The following PRKG1 variants were observed in gnomAD, a reference collection of about 807,000 sequenced individuals.
The protein encoded by PRKG1 is protein kinase cGMP-dependent 1.
In PRKG1, 35 loss-of-function variants were observed where a neutral mutation model predicts 88.1. That is an observed-to-expected ratio of 0.40 (90% confidence interval 0.30 to 0.53). The LOEUF is 0.53. PRKG1 is among the 20% of genes least tolerant of loss of function. PRKG1 has a pLI of 0.59. For synonymous variants in PRKG1, 303 were observed against 292.5 expected (o/e 1.04, Z -0.37); for missense variants, 540 against 839.8 (o/e 0.64, Z 4.41).
At chr10:51,360,439 A>C (rs1444562054) in intron 2 of PRKG1, among the ~76,000 whole-genome samples, 1 of 151,956 alleles carries the variant, frequency 6.6e-6, no homozygotes, top group South Asian at 2.1e-4. Context: ...TTGGAGTAGA[A>C]GCAGAATTTG....
At chr10:51,970,033 CACACACACACACACA>C (rs1564733386) in intron 5 of PRKG1, among the ~76,000 whole-genome samples, 4 of 148,992 alleles carry the variant, frequency 2.7e-5, no homozygotes, top group Admixed American at 2.0e-4. Context: ...CACACACACA[CACACACACACACACA>C]CACCCATATT....
intron 2 of PRKG1, among the ~76,000 whole-genome samples, chr10:51,391,626 G>A (rs1837405645): frequency 6.6e-6 from 1 of 152,176 alleles, no homozygotes. Context: ...GAATGCTCTA[G>A]GCAGAGAAAG....
rs916806388 is a variant in PRKG1, at chr10:51,945,478, G to A, written c.762+37908G>A. 4.2e-3 allele frequency among the ~76,000 whole-genome samples: 637 copies of A among 151,536 alleles called. 8 individuals carry two copies. Among genetic ancestry groups the A allele is most frequent in the African/African-American group, 0.015 (607 of 41,144 alleles). ...ACATTTAAAGTTAATATTGTTATGT[G>A]TGAATCTGATCCTGTCATTATGATG... On this transcript the variant is annotated intron_variant, in intron 5 of 17. Transcript: ENST00000373980.
intron 5 of PRKG1, among the ~76,000 whole-genome samples, chr10:51,983,727 C>T (rs147618193): frequency 6.6e-6 from 1 of 152,232 alleles, no homozygotes; most frequent in Admixed American, 6.5e-5. Flanking sequence ...CTCTAAGCAG[C>T]TCTCCCTGCC....
chr10:52,009,587 G>A (rs1049196758), intron 5 of PRKG1, among the ~76,000 whole-genome samples: 2 of 152,058 alleles, frequency 1.3e-5, no homozygotes, highest in Non-Finnish European at 2.9e-5. Flanking sequence ...CATTAAAATG[G>A]CCATACTGCC....
chr10:52,080,972 G>C (rs1264052457), intron 7 of PRKG1, among the ~76,000 whole-genome samples: 1 of 152,086 alleles, frequency 6.6e-6, no homozygotes, highest in Non-Finnish European at 1.5e-5. Flanking sequence ...TGATAGAATA[G>C]GCTGAGGCCT....
chr10:51,254,862 G>C (rs1333710093), intron 2 of PRKG1, among the ~76,000 whole-genome samples: 2 of 151,928 alleles, frequency 1.3e-5, no homozygotes, highest in Non-Finnish European at 2.9e-5. Flanking sequence ...ATGCTCTTTG[G>C]CCCAGATTAA....
intron 2 of PRKG1, among the ~76,000 whole-genome samples, chr10:51,464,480 A>C (rs1183294971): frequency 6.6e-6 from 1 of 152,208 alleles, no homozygotes; most frequent in Non-Finnish European, 1.5e-5. Flanking sequence ...TGTGAAATAC[A>C]ACCTTTTGTT....
At chr10:51,049,012 C>T (rs149132992) in intron 1 of PRKG1, among the ~76,000 whole-genome samples, 1 of 152,206 alleles carries the variant, frequency 6.6e-6, no homozygotes, top group Non-Finnish European at 1.5e-5. Flanking sequence ...TGTGGGTTTG[C>T]TGGGGCGTTG....
intron 1 of PRKG1, among the ~76,000 whole-genome samples, chr10:51,031,515 G>A (rs897587857): frequency 1.3e-5 from 2 of 152,146 alleles, no homozygotes; most frequent in African/African-American, 2.4e-5. Context: ...TGGAGCAGAG[G>A]GCAGGAGGTG....
At chr10:51,432,649 G>T (rs965624487) in intron 2 of PRKG1, among the ~76,000 whole-genome samples, 3 of 151,454 alleles carry the variant, frequency 2.0e-5, no homozygotes, top group African/African-American at 7.4e-5. Context: ...TCTACCAGGG[G>T]CAGAGCTCAA....
intron 1 of PRKG1, among the ~76,000 whole-genome samples, chr10:51,135,131 C>T (rs1165072968): frequency 6.6e-6 from 1 of 152,060 alleles, no homozygotes; most frequent in Non-Finnish European, 1.5e-5. Flanking sequence ...GCTGTGAGAA[C>T]CTAAAAGGAG....
intron 4 of PRKG1, among the ~76,000 whole-genome samples, chr10:51,884,051 T>C (rs1841502124): frequency 6.7e-6 from 1 of 149,052 alleles, no homozygotes; most frequent in Admixed American, 6.7e-5. Context: ...AAAAAGAAGC[T>C]TTTGCCACTT....
intron 3 of PRKG1, among the ~76,000 whole-genome samples, chr10:51,785,436 G>C (rs932983160): frequency 6.6e-6 from 1 of 152,110 alleles, no homozygotes; most frequent in Non-Finnish European, 1.5e-5. Flanking sequence ...GGAAGCTGAA[G>C]AGCTGGTAAA....
rs1395183714 is a variant in PRKG1, at chr10:51,510,933, A to G, written c.592+43097A>G. ...TATTTTTTTTTTTTTTTGTATTTTT[A>G]GTAGAGACGGGGTTTTTACTATGCT... is the stretch of plus-strand genomic sequence containing the variant. On this transcript the variant is annotated intron_variant, in intron 3 of 17. Coordinates refer to ENST00000373980, the MANE Select transcript of PRKG1 (RefSeq NM_006258.4). Among the ~76,000 whole-genome samples, 3 of 127,866 alleles carry G rather than the reference A, an allele frequency of 2.3e-5. No homozygotes were observed. The East Asian group carries it at 6.2e-4, about 26-fold the overall frequency. The allele number at this position is 127,866 out of a possible 152,430, so 83.9% of individuals were successfully genotyped here.
chr10:51,625,418 A>G (rs1403262243), intron 3 of PRKG1, among the ~76,000 whole-genome samples: 2 of 152,200 alleles, frequency 1.3e-5, no homozygotes, highest in Non-Finnish European at 2.9e-5. Context: ...CAGAGGTTGC[A>G]GTGAGCTGAG....
intron 5 of PRKG1, among the ~76,000 whole-genome samples, chr10:51,918,907 G>C (rs1340991748): frequency 1.3e-5 from 2 of 152,028 alleles, no homozygotes; most frequent in African/African-American, 4.8e-5. Flanking sequence ...TCACGGGCTT[G>C]TACACAGTTG....
chr10:51,034,667 TTTATA>T (rs1418544410), intron 1 of PRKG1, among the ~76,000 whole-genome samples: 4 of 18,178 alleles, frequency 2.2e-4, no homozygotes, highest in African/African-American at 1.0e-3. Flanking sequence ...TAATATGTTA[TTTATA>T]TATATATATA....
chr10:51,619,932 G>GT (rs1256710486), intron 3 of PRKG1, among the ~76,000 whole-genome samples: 2 of 152,032 alleles, frequency 1.3e-5, no homozygotes, highest in African/African-American at 4.8e-5. Flanking sequence ...CCTAACTGTA[G>GT]TTTTTTCTTT....
Sources: allele counts gnomAD v4.1 joint callset (sites outside exome capture counted in the v4.1 genomes callset), GRCh38; gene constraint gnomAD v4.1.1; transcripts MANE v1.5; gene names NCBI Gene and HGNC (gene_info 2026-07-23, HGNC 2026-07-21).